The following FRMD3 variants were observed in gnomAD, a reference collection of about 807,000 sequenced individuals.
FRMD3 encodes the protein FERM domain-containing protein 3.
Under a neutral mutation model 70.2 loss-of-function variants are expected in FRMD3, and 33 were observed. The observed-to-expected ratio is 0.47, with a 90% CI of 0.36 to 0.63. FRMD3 has a LOEUF of 0.63. Among genes scored for constraint, FRMD3 ranks in the 20% least tolerant of loss-of-function variants. The pLI, the probability that FRMD3 is intolerant of heterozygous loss-of-function variation, is 0.00. For synonymous variants in FRMD3, 279 were observed against 255.9 expected (o/e 1.09, Z -0.86); for missense variants, 632 against 711.4 (o/e 0.89, Z 1.27).
intron 13 of FRMD3, among the ~76,000 whole-genome samples, chr9:83,288,263 T>C (rs994195274): frequency 2.6e-5 from 4 of 152,186 alleles, no homozygotes; most frequent in Non-Finnish European, 5.9e-5. Flanking sequence ...TTGCTTGACA[T>C]TCAAAGACAA....
intron 1 of FRMD3, among the ~76,000 whole-genome samples, chr9:83,436,006 C>A (rs1175179458): frequency 6.6e-6 from 1 of 152,052 alleles, no homozygotes; most frequent in Non-Finnish European, 1.5e-5. Context: ...AAAAGAGAAC[C>A]CAGAATATGC....
chr9:83,245,268 T>C lies in FRMD3; in HGVS notation c.*2650A>G, dbSNP rs1415284417. ...ACACACTTGCTTTAAACTCTATATC[T>C]CACTCTATAATATACTGTCCATCTC... is the stretch of plus-strand genomic sequence containing the variant. On this transcript the variant is annotated 3_prime_UTR_variant, in exon 14 of 14. Coordinates refer to ENST00000304195, the MANE Select transcript of FRMD3 (RefSeq NM_174938.6). 1 of 985,228 alleles carries C rather than the reference T, an allele frequency of 1.0e-6. No homozygotes were observed. Among genetic ancestry groups the C allele is most frequent in the East Asian group, 1.1e-4 (1 of 8,828 alleles). 61.0% of individuals were successfully genotyped at this position (985,228 alleles called of 1,614,324 possible). A position where few individuals can be genotyped will look rare whatever the true frequency, so the allele number is the denominator to read the frequency against.
the FRMD3 span, among the ~76,000 whole-genome samples, chr9:83,549,073 G>C: frequency 6.6e-6 from 1 of 151,884 alleles, no homozygotes; most frequent in African/African-American, 2.4e-5. Context: ...CAGTACCCAA[G>C]AGTTGTGTTT....
Position 83,393,654 on chromosome 9 carries a change from G to A in FRMD3, c.148-3946C>T, listed in dbSNP as rs1825730570. On this transcript the variant is annotated intron_variant, in intron 1 of 13. Coordinates refer to ENST00000304195, the MANE Select transcript of FRMD3 (RefSeq NM_174938.6). ...ATCAGGCATTAGATTCTCATAAGGAGTGTGCAGCCTAGATCTCTCACCTGC... is the reference window on the plus strand; with the variant it reads ...ATCAGGCATTAGATTCTCATAAGGAATGTGCAGCCTAGATCTCTCACCTGC... 2.6e-5 allele frequency among the ~76,000 whole-genome samples: 4 copies of A among 152,036 alleles called. No individual in the cohort carries two copies. In the South Asian group the frequency reaches 8.3e-4, roughly 32 times the overall value.
chr9:83,311,376 G>T (rs796998136), intron 8 of FRMD3, among the ~76,000 whole-genome samples: 1 of 151,860 alleles, frequency 6.6e-6, no homozygotes, highest in Non-Finnish European at 1.5e-5. Context: ...ACTGCTCCAC[G>T]TTTGCTCTGT....
chr9:83,521,444 C>T (rs531056385), intron 1 of FRMD3, among the ~76,000 whole-genome samples: 3 of 152,308 alleles, frequency 2.0e-5, no homozygotes, highest in Non-Finnish European at 4.4e-5. Flanking sequence ...TATGATGGCG[C>T]CACTGCCCTC....
the FRMD3 span, among the ~76,000 whole-genome samples, chr9:83,574,384 C>T: frequency 3.4e-4 from 51 of 152,144 alleles, no homozygotes; most frequent in Non-Finnish European, 2.4e-4. Flanking sequence ...ACATATTTTA[C>T]TCTTTTTATT....
intron 1 of FRMD3, among the ~76,000 whole-genome samples, chr9:83,459,506 C>T (rs767832112): frequency 5.9e-5 from 9 of 152,346 alleles, no homozygotes; most frequent in African/African-American, 1.9e-4. Flanking sequence ...TCCCCAGGGG[C>T]GTCCCCAAGA....
chr9:83,379,378 T>A (rs930992756), intron 2 of FRMD3, among the ~76,000 whole-genome samples: 1 of 152,236 alleles, frequency 6.6e-6, no homozygotes, highest in Admixed American at 6.5e-5. Context: ...TTGGAATATA[T>A]GCTGTTCTGA....
chr9:83,287,042 C>T (rs1324181866), intron 13 of FRMD3, among the ~76,000 whole-genome samples: 1 of 152,144 alleles, frequency 6.6e-6, no homozygotes, highest in Non-Finnish European at 1.5e-5. Context: ...ATGTAACCAG[C>T]GACCCTGTCT....
chr9:83,319,238 G>A (rs1296139072), intron 6 of FRMD3, among the ~76,000 whole-genome samples: 1 of 151,952 alleles, frequency 6.6e-6, no homozygotes, highest in Non-Finnish European at 1.5e-5. Flanking sequence ...ATTTTAATTT[G>A]AGGAATTGGT....
chr9:83,292,823 T>A (rs1434243408), intron 12 of FRMD3, among the ~76,000 whole-genome samples: 1 of 152,120 alleles, frequency 6.6e-6, no homozygotes, highest in Non-Finnish European at 1.5e-5. Context: ...AATTTTTGTA[T>A]TTTTAGTAGA....
chr9:83,517,903 T>C (rs1223125139), intron 1 of FRMD3, among the ~76,000 whole-genome samples: 1 of 152,196 alleles, frequency 6.6e-6, no homozygotes, highest in African/African-American at 2.4e-5. Context: ...ATTCTCTCAA[T>C]AGATGCAGAA....
intron 10 of FRMD3, among the ~76,000 whole-genome samples, chr9:83,303,535 A>G (rs1397446045): frequency 2.0e-5 from 3 of 152,210 alleles, no homozygotes; most frequent in Non-Finnish European, 4.4e-5. Flanking sequence ...TGCATTTCCA[A>G]AAAATCCCGG....
At chr9:83,522,623 T>A (rs1292396731) in intron 1 of FRMD3, among the ~76,000 whole-genome samples, 2 of 150,354 alleles carry the variant, frequency 1.3e-5, no homozygotes, top group South Asian at 2.1e-4. Flanking sequence ...GAGTGCAGTG[T>A]AGCGATCTCG....
intron 6 of FRMD3, among the ~76,000 whole-genome samples, chr9:83,317,113 C>T (rs2131074281): frequency 6.7e-6 from 1 of 150,166 alleles, no homozygotes; most frequent in South Asian, 2.1e-4. Context: ...GGTGGCAGAG[C>T]AAGAAAGATC....
At chr9:83,409,032 T>C (rs1018815224) in intron 1 of FRMD3, among the ~76,000 whole-genome samples, 5 of 152,110 alleles carry the variant, frequency 3.3e-5, no homozygotes, top group Non-Finnish European at 5.9e-5. Flanking sequence ...ATAAATTACA[T>C]ACACCTCTCT....
At chr9:83,402,898 C>CTTTTTTTTTTTTTTTTTTT (rs559570925) in intron 1 of FRMD3, among the ~76,000 whole-genome samples, 1 of 87,296 alleles carries the variant, frequency 1.1e-5, no homozygotes, top group Non-Finnish European at 2.1e-5. Context: ...TTCTTTCTTT[C>CTTTTTTTTTTTTTTTTTTT]TTTTTTTTTT....
chr9:83,543,051 C>T (rs1436876969), upstream of FRMD3, among the ~76,000 whole-genome samples: 1 of 151,898 alleles, frequency 6.6e-6, no homozygotes. Flanking sequence ...AATCAACAAA[C>T]ATCAACACAT....
Sources: gnomAD v4.1 joint callset for allele counts (sites outside exome capture counted in the v4.1 genomes callset) on GRCh38, gnomAD v4.1.1 for gene constraint, MANE v1.5 for transcripts, NCBI Gene and HGNC (gene_info 2026-07-23, HGNC 2026-07-21) for gene names.